Variants in CPLANE1 observed in about 807,000 individuals in gnomAD.
CPLANE1 encodes the protein ciliogenesis and planar polarity effector 1.
A neutral mutation model predicts 362.5 loss-of-function variants in CPLANE1; 263 were observed. The observed-to-expected ratio is 0.73, with a 90% CI of 0.66 to 0.80. CPLANE1 has a LOEUF of 0.80. Among genes scored for constraint, CPLANE1 ranks in the 30% least tolerant of loss-of-function variants. The pLI is 0.00. For missense variants in CPLANE1, 3,461 were observed against 3,793.4 expected (o/e 0.91, Z 2.30); for synonymous variants, 1,212 against 1,302.6 (o/e 0.93, Z 1.50).
At chr5:37,221,672 C>T (rs146496190) in intron 14 of CPLANE1, among the ~76,000 whole-genome samples, 184 bp from the exon 15 acceptor site, 1 of 152,030 alleles carries the variant, frequency 6.6e-6, no homozygotes, top group Admixed American at 6.6e-5. Flanking sequence ...GATCTGGGTA[C>T]ATTACATCCC....
At chr5:37,187,162 A>G (rs1418975100) in intron 23 of CPLANE1, among the ~76,000 whole-genome samples, 1 of 151,140 alleles carries the variant, frequency 6.6e-6, no homozygotes, top group Non-Finnish European at 1.5e-5. Flanking sequence ...CCCTTTGACC[A>G]AGATCTCCCC....
chr5:37,245,593 A>G lies in CPLANE1; in HGVS notation c.223T>C (p.Trp75Arg). Residue 75 changes from tryptophan (W) to arginine (R), a missense_variant, in exon 4 of 53, where the codon TGG becomes CGG. By Grantham distance (101) the Trp-to-Arg change is moderately radical. Around this residue, in one of 2 missense-constraint regions of CPLANE1, gnomAD observed 3,380 missense variants for 3,666.1 expected, o/e 0.92. Coordinates refer to ENST00000651892, the MANE Select transcript of CPLANE1 (RefSeq NM_001384732.1). ...CCTGTAGTTAGTACCCCAGCCAGCC[A>G]GGCATCTGTTTCCAAAAATGAAATG... ...IVLTTSSNDAWLAGVLTTGEL... is the reference protein window; with the variant it reads ...IVLTTSSNDARLAGVLTTGEL... The G allele has an allele frequency of 6.6e-7, 1 of 1,511,106 alleles. No individual in the cohort carries two copies. Among genetic ancestry groups the G allele is most frequent in the Non-Finnish European group, 8.8e-7 (1 of 1,130,248 alleles). The allele number at this position is 1,511,106 out of a possible 1,614,324, so 93.6% of individuals were successfully genotyped here.
At position 37,175,908 on chromosome 5, in the gene CPLANE1, C is replaced by G; in HGVS notation, c.5978+1G>C. The G allele has an allele frequency of 6.2e-7, 1 of 1,608,186 alleles. No homozygotes were observed. The highest frequency in any genetic ancestry group is 1.3e-5 in the African/African-American group (1 of 74,848). ...ATGGTATAGTAGGCAAAACTTCTTA[C>G]CTAGAAATTTCTGAACTCGTATCTA... On this transcript the variant is annotated splice_donor_variant, in intron 31 of 52. Coordinates refer to ENST00000651892, the MANE Select transcript of CPLANE1 (RefSeq NM_001384732.1). LOFTEE classifies it high-confidence loss of function.
chr5:37,121,687 G>C lies in CPLANE1; in HGVS notation c.9115C>G (p.Gln3039Glu), dbSNP rs1762673806. ...CTGGGTTTGTTAGGCAATGGTTTCT[G>C]TGGTAGAGTTGGTAGCTGTACTGAC... ...SESVQLPTLPQKPLPNKPSPT... is the reference protein window; with the variant it reads ...SESVQLPTLPEKPLPNKPSPT... The change falls in exon 49 of 53, where the codon CAG becomes GAG. Residue 3039 changes from glutamine (Q) to glutamate (E), a missense_variant. By Grantham distance (29) the Gln-to-Glu change is conservative. Coordinates refer to ENST00000651892, the MANE Select transcript of CPLANE1 (RefSeq NM_001384732.1). 1 of 1,613,986 alleles carries C rather than the reference G, an allele frequency of 6.2e-7. No homozygotes were observed. The highest frequency in any genetic ancestry group is 1.3e-5 in the African/African-American group (1 of 74,928).
rs1019870697 is a variant in CPLANE1, at chr5:37,118,990, G to C, written c.9310+1226C>G. 1.2e-4 allele frequency among the ~76,000 whole-genome samples: 19 copies of C among 152,132 alleles called. 1 individual carries two copies. The South Asian group carries it at 3.9e-3, about 32-fold the overall frequency. On this transcript the variant is annotated intron_variant, in intron 50 of 52. Transcript: ENST00000651892. Reference sequence around the variant, plus strand: ...GCCTCCCAAAGTGCTGGGATTACAGGCGTGAGCCACCGCGCCGGGCCTATT... The same window carrying C: ...GCCTCCCAAAGTGCTGGGATTACAGCCGTGAGCCACCGCGCCGGGCCTATT...
At chr5:37,172,877 T>C (rs889379888) in intron 32 of CPLANE1, among the ~76,000 whole-genome samples, 13 of 152,030 alleles carry the variant, frequency 8.6e-5, no homozygotes, top group Admixed American at 1.3e-4. Context: ...TCCCAGCTAC[T>C]CAGGAGGCTG....
intron 15 of CPLANE1, among the ~76,000 whole-genome samples, chr5:37,216,292 C>T (rs1462455761): frequency 2.6e-5 from 4 of 152,124 alleles, no homozygotes; most frequent in Admixed American, 6.5e-5. Flanking sequence ...GCCTGTAATC[C>T]CCACACTTTG....
rs200444162 is a variant in CPLANE1, at chr5:37,182,833, G to T, written c.5348C>A (p.Ala1783Asp). 2.0e-5 allele frequency: 32 copies of T among 1,613,470 alleles called. No homozygotes were observed. The highest frequency in any genetic ancestry group is 2.7e-5 in the Non-Finnish European group (32 of 1,179,860). ...PVIRVKTSTA[A>D]ILTSLWLLEQ... is the part of the protein sequence containing the mutation. ...CAAAAGCCATAATGATGTAAGAATG[G>T]CAGCTGTAGAGGTCTTTACACGAAT... The change falls in exon 26 of 53, where the codon GCC becomes GAC. Residue 1783 changes from alanine to aspartate, a missense_variant. This residue lies in a region of CPLANE1 where 3,380 missense variants were observed against 3,666.1 expected (regional missense o/e 0.92). Coordinates refer to ENST00000651892, the MANE Select transcript of CPLANE1 (RefSeq NM_001384732.1).
chr5:37,185,177 T>C, intron 24 of CPLANE1, 98 bp from the exon 25 acceptor site: 1 of 1,017,890 alleles, frequency 9.8e-7, no homozygotes, highest in African/African-American at 1.6e-5. Context: ...ACAAGAAACC[T>C]AACTGATGAC....
intron 49 of CPLANE1, 33 bp from the exon 50 acceptor site, chr5:37,120,373 C>T (rs1374971135): frequency 1.3e-6 from 2 of 1,525,610 alleles, no homozygotes; most frequent in East Asian, 2.4e-5. Flanking sequence ...ATTACATTCC[C>T]AGAATCTCAT....
chr5:37,245,619 C>A (rs1412722975), intron 3 of CPLANE1, 21 bp from the exon 4 acceptor site: 2 of 1,501,472 alleles, frequency 1.3e-6, no homozygotes, highest in Non-Finnish European at 1.8e-6. Flanking sequence ...AAATGAAATG[C>A]AATACTTACA....
intron 12 of CPLANE1, 21 bp from the exon 13 acceptor site, chr5:37,224,761 T>C (rs1222561621): frequency 3.3e-6 from 5 of 1,513,756 alleles, no homozygotes; most frequent in African/African-American, 1.4e-5. Context: ...AATCAGGTAA[T>C]TATCAAAAGC....
Position 37,230,879 on chromosome 5 carries a change from A to C in CPLANE1, c.1109T>G (p.Leu370Arg). Residue 370 changes from leucine (L) to arginine (R), a missense_variant, in exon 9 of 53, where the codon CTA (leucine) becomes CGA (arginine). By Grantham distance (102) the Leu-to-Arg change is moderately radical. This residue lies in a region of CPLANE1 where 3,380 missense variants were observed against 3,666.1 expected (regional missense o/e 0.92). Transcript: ENST00000651892. ...GPAEFIPLHP[L>R]ITYRPQQFTF... The stretch of plus-strand genomic sequence containing the variant: ...TCAAATGTCTCACCTATACGTTATT[A>C]GTGGATGAAGAGGAATAAATTCTGC... 6.5e-7 allele frequency: 1 copy of C among 1,534,030 alleles called. No homozygotes were observed. The highest frequency in any genetic ancestry group is 2.1e-5 in the Admixed American group (1 of 48,208).
chr5:37,209,484 C>T lies in CPLANE1; in HGVS notation c.2921-3059G>A. 6.2e-6 allele frequency: 8 copies of T among 1,289,208 alleles called. No individual in the cohort carries two copies. The highest frequency in any genetic ancestry group is 1.2e-5 in the South Asian group (1 of 84,404). The allele number at this position is 1,289,208 out of a possible 1,614,324, so 79.9% of individuals were successfully genotyped here. A position where few individuals can be genotyped will look rare whatever the true frequency, so the allele number is the denominator to read the frequency against. The stretch of plus-strand genomic sequence containing the variant: ...ACTGGAAACACTCAAGATACAACTT[C>T]GAAACCAGCTAATTCATGAGTTAAT... On this transcript the variant is annotated intron_variant, in intron 16 of 52. Coordinates refer to ENST00000651892, the MANE Select transcript of CPLANE1 (RefSeq NM_001384732.1). The surrounding 1 kb of genome is among the most constrained non-coding windows in gnomAD (Gnocchi z 4.6).
At chr5:37,121,867 C>T (rs1762740610) in intron 48 of CPLANE1, 83 bp from the exon 49 acceptor site, 8 of 1,177,218 alleles carry the variant, frequency 6.8e-6, no homozygotes, top group Non-Finnish European at 8.4e-6. Context: ...TTGAAGATCA[C>T]CTAGCATGTT....
chr5:37,210,465 C>A, intron 16 of CPLANE1: 1 of 1,096,696 alleles, frequency 9.1e-7, no homozygotes, highest in Non-Finnish European at 1.4e-6. Context: ...AACTAATCGA[C>A]TGATTGAAGA....
intron 50 of CPLANE1, among the ~76,000 whole-genome samples, chr5:37,118,870 C>T (rs1435362669): frequency 5.3e-5 from 8 of 152,010 alleles, no homozygotes; most frequent in Non-Finnish European, 1.5e-5. Flanking sequence ...CACACCACCA[C>T]GCCCAGCTAA....
chr5:37,076,085 CA>C, the CPLANE1 span, among the ~76,000 whole-genome samples: 2 of 150,682 alleles, frequency 1.3e-5, no homozygotes, highest in East Asian at 2.0e-4. Context: ...TCAATCACTA[CA>C]AAAAAAACAA....
the CPLANE1 span, among the ~76,000 whole-genome samples, chr5:37,078,842 C>CCAT: frequency 6.6e-6 from 1 of 152,006 alleles, no homozygotes; most frequent in South Asian, 2.1e-4. Flanking sequence ...GGTTTGTTGG[C>CCAT]CATATGCATG....
Sources: gnomAD v4.1 joint callset for allele counts (sites outside exome capture counted in the v4.1 genomes callset) on GRCh38, gnomAD v4.1.1 for gene constraint, gnomAD v4.1.1 regional missense constraint, Gnocchi (gnomAD v3.1) non-coding constraint, MANE v1.5 for transcripts, NCBI Gene and HGNC (gene_info 2026-07-23, HGNC 2026-07-21) for gene names.